GPC5: variants seen among roughly 807,000 people sequenced by gnomAD.
GPC5 encodes the protein glypican-5.
Under a neutral mutation model 53.9 loss-of-function variants are expected in GPC5, and 47 were observed. That is an observed-to-expected ratio of 0.87 (90% CI 0.69 to 1.11). The LOEUF is 1.11. Among genes scored for constraint, GPC5 ranks in the 50% most tolerant of loss-of-function variants. GPC5 has a pLI of 0.00. For missense variants in GPC5, 748 were observed against 713.1 expected, an observed-to-expected ratio of 1.05 and a Z score of -0.56; for synonymous variants, 286 against 263.3, an observed-to-expected ratio of 1.09 and a Z score of -0.84.
chr13:91,528,820 T>G (rs531259378), intron 2 of GPC5, among the ~76,000 whole-genome samples: 2 of 152,106 alleles, frequency 1.3e-5, no homozygotes, highest in Admixed American at 6.6e-5. Context: ...GAAAGGCACA[T>G]CTTACATGGC....
chr13:92,409,490 G>A (rs1875949651), intron 7 of GPC5, among the ~76,000 whole-genome samples: 1 of 151,906 alleles, frequency 6.6e-6, no homozygotes, highest in African/African-American at 2.4e-5. Flanking sequence ...ACTTCAATAT[G>A]AACTAATGTA....
intron 7 of GPC5, chr13:92,340,254 T>C (rs948212323): frequency 3.3e-5 from 5 of 152,134 alleles, no homozygotes; most frequent in African/African-American, 1.2e-4. Flanking sequence ...TATACAATGA[T>C]GAAAACAAGT....
intron 7 of GPC5, among the ~76,000 whole-genome samples, chr13:92,565,969 A>G (rs1282617423): frequency 6.6e-6 from 1 of 152,074 alleles, no homozygotes; most frequent in Non-Finnish European, 1.5e-5. Context: ...CAATGTATTC[A>G]GTATTGTTTA....
Position 91,582,810 on chromosome 13 carries a change from C to T in GPC5, c.326-110377C>T, listed in dbSNP as rs1267168825. The stretch of plus-strand genomic sequence containing the variant: ...GGCAGATAACTTGAGGTCAGGTGTT[C>T]GAGGCCAGTCTGGCCAACAAGGTGA... On this transcript the variant is annotated intron_variant, in intron 2 of 7. Coordinates refer to ENST00000377067, the MANE Select transcript of GPC5 (RefSeq NM_004466.6). Among the ~76,000 whole-genome samples, 9 of 151,990 alleles carry T rather than the reference C, an allele frequency of 5.9e-5. 1 individual carries two copies. Among genetic ancestry groups the T allele is most frequent in the Admixed American group, 3.3e-4 (5 of 15,244 alleles).
chr13:92,461,215 GA>G (rs1265328618), intron 7 of GPC5, among the ~76,000 whole-genome samples: 1 of 152,176 alleles, frequency 6.6e-6, no homozygotes, highest in East Asian at 1.9e-4. Context: ...ATTGGATAAT[GA>G]GAGGATTTTT....
At chr13:91,792,608 C>T (rs1410306657) in intron 5 of GPC5, among the ~76,000 whole-genome samples, 1 of 152,192 alleles carries the variant, frequency 6.6e-6, no homozygotes, top group Non-Finnish European at 1.5e-5. Flanking sequence ...TCTATGATCA[C>T]ATCTCAGCCT....
intron 6 of GPC5, among the ~76,000 whole-genome samples, chr13:92,141,494 C>A (rs1045947013): frequency 6.6e-6 from 1 of 152,152 alleles, no homozygotes; most frequent in Non-Finnish European, 1.5e-5. Context: ...TGGTATCTTA[C>A]AGAAATGATG....
chr13:92,639,797 G>A (rs1885528155), intron 7 of GPC5, among the ~76,000 whole-genome samples: 2 of 152,136 alleles, frequency 1.3e-5, no homozygotes, highest in Admixed American at 1.3e-4. Flanking sequence ...CAGATGAATT[G>A]AAAACTCTTC....
chr13:91,487,753 A>T (rs1883697125), intron 2 of GPC5, among the ~76,000 whole-genome samples: 1 of 152,124 alleles, frequency 6.6e-6, no homozygotes, highest in South Asian at 2.1e-4. Flanking sequence ...TATAGATCAG[A>T]TGTTTATGTC....
intron 6 of GPC5, among the ~76,000 whole-genome samples, chr13:91,924,085 G>A (rs1385526032): frequency 6.6e-6 from 1 of 152,078 alleles, no homozygotes; most frequent in Non-Finnish European, 1.5e-5. Context: ...CTTAATAATT[G>A]TTGAAATGAA....
chr13:92,740,868 A>G lies in GPC5; in HGVS notation c.1562-125414A>G, dbSNP rs138110204. Among the ~76,000 whole-genome samples the G allele has an allele frequency of 1.5e-3, 202 of 137,778 alleles. 2 individuals carry two copies. The highest frequency in any genetic ancestry group is 5.5e-3 in the African/African-American group (197 of 36,100). The allele number at this position is 137,778 out of a possible 152,430, so 90.4% of individuals were successfully genotyped here. A position where few individuals can be genotyped will look rare whatever the true frequency, so the allele number is the denominator to read the frequency against. On this transcript the variant is annotated intron_variant, in intron 7 of 7. Transcript: ENST00000377067. ...AAAAGTAGCCCAAATAACAAATTAT[A>G]TTTATGTATGTATGTATATTTATTT...
intron 7 of GPC5, among the ~76,000 whole-genome samples, chr13:92,400,550 CA>C (rs1327328352): frequency 1.3e-5 from 2 of 152,106 alleles, no homozygotes; most frequent in African/African-American, 4.8e-5. Flanking sequence ...TTACCCTTTC[CA>C]TATATCCAAA....
At chr13:92,433,019 T>A (rs751551079) in intron 7 of GPC5, among the ~76,000 whole-genome samples, 47 of 152,120 alleles carry the variant, frequency 3.1e-4, no homozygotes, top group Admixed American at 5.2e-4. Context: ...AAATTTACTT[T>A]GATGAATAAA....
At chr13:91,706,994 A>G (rs2036119654) in intron 3 of GPC5, among the ~76,000 whole-genome samples, 2 of 152,140 alleles carry the variant, frequency 1.3e-5, no homozygotes, top group South Asian at 4.1e-4. Flanking sequence ...ACTGGAAAAA[A>G]CTATAGGCTT....
At chr13:91,448,606 T>A (rs1050958369) in intron 1 of GPC5, among the ~76,000 whole-genome samples, 155 bp from the exon 2 acceptor site, 1 of 152,224 alleles carries the variant, frequency 6.6e-6, no homozygotes, top group Non-Finnish European at 1.5e-5. Flanking sequence ...ATTGTGTTAA[T>A]GAGCAATAGA....
At chr13:91,974,549 A>T (rs1477443235) in intron 6 of GPC5, among the ~76,000 whole-genome samples, 1 of 152,094 alleles carries the variant, frequency 6.6e-6, no homozygotes, top group African/African-American at 2.4e-5. Context: ...ATACCTAGGA[A>T]TCCAACTTAC....
At chr13:91,442,051 G>A (rs1433027800) in intron 1 of GPC5, among the ~76,000 whole-genome samples, 2 of 152,194 alleles carry the variant, frequency 1.3e-5, no homozygotes, top group African/African-American at 4.8e-5. Context: ...AATGGAGAAT[G>A]TGTGTTATCA....
intron 7 of GPC5, among the ~76,000 whole-genome samples, chr13:92,837,107 A>T (rs1878246546): frequency 6.6e-6 from 1 of 152,194 alleles, no homozygotes. Context: ...ACTGAAGGAT[A>T]TAATTACTTA....
At chr13:91,947,292 A>G (rs1179162181) in intron 6 of GPC5, among the ~76,000 whole-genome samples, 1 of 152,194 alleles carries the variant, frequency 6.6e-6, no homozygotes, top group Admixed American at 6.5e-5. Flanking sequence ...AAAAAAATAT[A>G]AAGAAAATGA....
Sources: gnomAD v4.1 joint callset for allele counts (sites outside exome capture counted in the v4.1 genomes callset) on GRCh38, gnomAD v4.1.1 for gene constraint, MANE v1.5 for transcripts, NCBI Gene and HGNC (gene_info 2026-07-23, HGNC 2026-07-21) for gene names.